SH3GLB2: variants seen among roughly 807,000 people sequenced by gnomAD.
SH3GLB2 encodes the protein SH3 domain containing GRB2 like, endophilin B2, also known as endophilin-B2.
Under a neutral mutation model 48.0 loss-of-function variants are expected in SH3GLB2, and 24 were observed. The ratio of observed to expected loss-of-function variants is 0.50; its 90% CI spans 0.36 to 0.70. SH3GLB2 has a LOEUF of 0.70. Among genes scored for constraint, SH3GLB2 ranks in the 30% least tolerant of loss-of-function variants. The pLI is 0.00. For missense variants in SH3GLB2, 425 were observed against 516.0 expected (o/e 0.82, Z 1.71); for synonymous variants, 227 against 207.6 (o/e 1.09, Z -0.80).
At chr9:129,009,653 G>T in intron 9 of SH3GLB2, 118 bp downstream of exon 9, 1 of 1,372,900 alleles carries the variant, frequency 7.3e-7, no homozygotes, top group Non-Finnish European at 1.0e-6. Context: ...GTGGGTTCCA[G>T]CAGAGCCCTC....
chr9:129,012,345 G>A (rs541932525), intron 5 of SH3GLB2, 47 bp from the exon 6 acceptor site: 34 of 1,227,996 alleles, frequency 2.8e-5, no homozygotes, highest in Admixed American at 4.1e-5. Context: ...CCCTGGGCCA[G>A]GGCCAGGGTC....
At chr9:129,022,550 A>G in intron 1 of SH3GLB2, 127 bp from the exon 2 acceptor site, 2 of 778,374 alleles carry the variant, frequency 2.6e-6, no homozygotes, top group Non-Finnish European at 4.1e-6. Flanking sequence ...GGGTCAAGGA[A>G]CCAGCCCTGA....
chr9:129,015,826 C>G (rs546844191), intron 3 of SH3GLB2: 2 of 347,870 alleles, frequency 5.7e-6, no homozygotes, highest in East Asian at 9.9e-5. Flanking sequence ...TATGATTGCA[C>G]CACTGCACTC....
chr9:129,012,679 A>G (rs1458422071), intron 5 of SH3GLB2: 1 of 482,570 alleles, frequency 2.1e-6, no homozygotes, highest in East Asian at 3.2e-5. Context: ...GCCCACCCCC[A>G]ACTGGGATGG....
chr9:129,012,348 C>T, intron 5 of SH3GLB2, 50 bp from the exon 6 acceptor site: 1 of 1,215,158 alleles, frequency 8.2e-7, no homozygotes, highest in Non-Finnish European at 1.1e-6. Context: ...TGGGCCAGGG[C>T]CAGGGTCGAG....
At chr9:129,021,820 G>C (rs190334756) in intron 2 of SH3GLB2, among the ~76,000 whole-genome samples, 1 of 152,044 alleles carries the variant, frequency 6.6e-6, no homozygotes, top group Non-Finnish European at 1.5e-5. Context: ...TTAGCTGGGC[G>C]TGGTGGCATG....
chr9:129,010,800 T>TGCCCCTCTGCCCCCCC, intron 6 of SH3GLB2, 107 bp from the exon 7 acceptor site: 2 of 1,319,642 alleles, frequency 1.5e-6, no homozygotes, highest in Non-Finnish European at 2.1e-6. Flanking sequence ...TCTGCCCCCC[T>TGCCCCTCTGCCCCCCC]GCCCCTCTGC....
In SH3GLB2 at chr9:129,028,102, C is replaced by A; in HGVS notation, c.53G>T (p.Arg18Leu). 1 of 1,501,040 alleles carries A rather than the reference C, an allele frequency of 6.7e-7. No homozygotes were observed. The highest frequency in any genetic ancestry group is 8.9e-7 in the Non-Finnish European group (1 of 1,127,910). 93.0% of individuals were successfully genotyped at this position (1,501,040 alleles called of 1,614,324 possible). ...GACGCCAGGCCTCACCTGCACCGCCCGGGTGAAGAAGATGCCCGCGTCCGA... is the reference window on the plus strand; with the variant it reads ...GACGCCAGGCCTCACCTGCACCGCCAGGGTGAAGAAGATGCCCGCGTCCGA... ...LASDAGIFFT[R>L]AVQFTEEKFG... The change falls in exon 1 of 11, where the codon CGG (arginine) becomes CTG (leucine). Residue 18 changes from arginine (R) to leucine (L), a missense_variant. Arg to Leu is a moderately radical substitution (Grantham distance 102, BLOSUM62 -2). Transcript: ENST00000372564.
intron 1 of SH3GLB2, among the ~76,000 whole-genome samples, chr9:129,027,096 C>A (rs886921519): frequency 2.0e-5 from 3 of 152,170 alleles, no homozygotes; most frequent in Admixed American, 6.5e-5. Context: ...GATGGGCCAG[C>A]CCCGGGCCTG....
chr9:129,010,231 T>C, intron 7 of SH3GLB2, 22 bp from the exon 8 acceptor site: 1 of 1,608,452 alleles, frequency 6.2e-7, no homozygotes, highest in Non-Finnish European at 8.5e-7. Flanking sequence ...AGGGCAGCCA[T>C]GAGCACCCAC....
rs1843865151 is a variant in SH3GLB2 at position 129,022,402 on chromosome 9, G to C, written c.85C>G (p.Gln29Glu). ...AVQFTEEKFG[Q>E]AEKTELDAHF... is the part of the protein sequence containing the mutation. ...GCATCAAGCTCAGTCTTCTCAGCCT[G>C]GCCAAATTTCTCCTCCGTGAACTAC... The change falls in exon 2 of 11, where the codon CAG becomes GAG. Residue 29 changes from glutamine to glutamate, a missense_variant. Physicochemically the swap from Gln to Glu is conservative, Grantham distance 29 (BLOSUM62 2). Transcript: ENST00000372564. 1 of 1,614,080 alleles carries C rather than the reference G, an allele frequency of 6.2e-7. No homozygotes were observed. The highest frequency in any genetic ancestry group is 8.5e-7 in the Non-Finnish European group (1 of 1,180,010).
At position 129,007,979 on chromosome 9, in the gene SH3GLB2, T is replaced by C. The variant is rs1329359673; in HGVS notation, c.*705A>G. ...CTCTGTGGAAGAGTGGGGCAGAGGG[T>C]GAGTCTACCTTTCCCTTTACCACCC... On this transcript the variant is annotated 3_prime_UTR_variant, in exon 11 of 11. Coordinates refer to ENST00000372564, the MANE Select transcript of SH3GLB2 (RefSeq NM_020145.4). 2.0e-5 allele frequency: 3 copies of C among 152,160 alleles called. No individual in the cohort carries two copies. The highest frequency in any genetic ancestry group is 7.3e-5 in the African/African-American group (3 of 41,374). 9.4% of individuals were successfully genotyped at this position (152,160 alleles called of 1,614,324 possible). A position where few individuals can be genotyped will look rare whatever the true frequency, so the allele number is the denominator to read the frequency against.
chr9:129,012,005 GTT>G (rs536505453), intron 6 of SH3GLB2: 1 of 393,872 alleles, frequency 2.5e-6, no homozygotes, highest in Non-Finnish European at 4.5e-6. Context: ...CAGCTCCAGC[GTT>G]TTGCAGAGGG....
chr9:129,025,406 C>CA (rs901788376), intron 1 of SH3GLB2, among the ~76,000 whole-genome samples: 10 of 142,664 alleles, frequency 7.0e-5, no homozygotes, highest in South Asian at 2.2e-4. Flanking sequence ...CTACTAAGTA[C>CA]AAAAAAAAAA....
At chr9:129,008,846 C>G in intron 10 of SH3GLB2, 55 bp from the exon 11 acceptor site, 1 of 1,532,290 alleles carries the variant, frequency 6.5e-7, no homozygotes, top group South Asian at 1.1e-5. Flanking sequence ...GGAACTGGCC[C>G]CAGGACTAAG....
chr9:129,017,846 C>T (rs558983363), intron 3 of SH3GLB2, among the ~76,000 whole-genome samples: 4 of 149,480 alleles, frequency 2.7e-5, no homozygotes, highest in Admixed American at 6.7e-5. Context: ...TGCAGTGAGC[C>T]GAGATCGTGC....
At chr9:129,010,559 C>G (rs1588308675) in intron 7 of SH3GLB2, 111 bp downstream of exon 7, 1 of 1,273,026 alleles carries the variant, frequency 7.9e-7, no homozygotes. Flanking sequence ...GTAACCCCTC[C>G]CCAGTGGGTG....
At chr9:129,010,728 AG>A in intron 6 of SH3GLB2, 35 bp from the exon 7 acceptor site, 1 of 1,612,808 alleles carries the variant, frequency 6.2e-7, no homozygotes, top group South Asian at 1.1e-5. Context: ...CCAGCAGGGG[AG>A]GGGAGAGGAG....
At position 129,015,003 on chromosome 9, in the gene SH3GLB2, C is replaced by T; in HGVS notation, c.335-99G>A. The stretch of plus-strand genomic sequence containing the variant: ...GAAGAGCTTGCTGAAGAGCAAGGGC[C>T]GGGGTGCTCAGTGCAGAATGCTTTG... On this transcript the variant is annotated intron_variant, in intron 3 of 10. Coordinates refer to ENST00000372564, the MANE Select transcript of SH3GLB2 (RefSeq NM_020145.4). The T allele has an allele frequency of 7.4e-6, 11 of 1,485,442 alleles. No homozygotes were observed. In the East Asian group the frequency reaches 9.1e-5, roughly 12 times the overall value. 92.0% of individuals were successfully genotyped at this position (1,485,442 alleles called of 1,614,324 possible).
Sources: allele counts gnomAD v4.1 joint callset (sites outside exome capture counted in the v4.1 genomes callset), GRCh38; gene constraint gnomAD v4.1.1; transcripts MANE v1.5; gene names NCBI Gene and HGNC (gene_info 2026-07-23, HGNC 2026-07-21).